ADAMTS19: variants seen among roughly 807,000 people sequenced by gnomAD.
ADAMTS19 encodes A disintegrin and metalloproteinase with thrombospondin motifs 19.
A neutral mutation model predicts 153.3 loss-of-function variants in ADAMTS19; 93 were observed. That is an observed-to-expected ratio of 0.61 (90% CI 0.51 to 0.72). The LOEUF is 0.72. Ranked by LOEUF, ADAMTS19 falls within the 30% of genes least tolerant of loss-of-function variation. The probability of loss-of-function intolerance (pLI) is 0.00; values close to 1 mark genes in which losing one functional copy is unlikely to be tolerated. For missense variants in ADAMTS19, 1,482 were observed against 1,552.1 expected, an observed-to-expected ratio of 0.95 and a Z score of 0.76; for synonymous variants, 600 against 556.6, an observed-to-expected ratio of 1.08 and a Z score of -1.10.
intron 2 of ADAMTS19, among the ~76,000 whole-genome samples, chr5:129,502,378 T>A (rs1467179916): frequency 2.0e-5 from 3 of 152,034 alleles, no homozygotes; most frequent in Admixed American, 2.0e-4. Context: ...AACCAAAAAT[T>A]AACATGGAAA....
intron 17 of ADAMTS19, among the ~76,000 whole-genome samples, chr5:129,683,818 A>C (rs1347874171): frequency 6.7e-6 from 1 of 149,986 alleles, no homozygotes; most frequent in South Asian, 2.1e-4. Context: ...TAGTCCATCA[A>C]ATTGAAAGAA....
At position 129,735,046 on chromosome 5, in the gene ADAMTS19, C is replaced by A; in HGVS notation, c.3427C>A (p.Pro1143Thr). The A allele has an allele frequency of 6.2e-7, 1 of 1,611,642 alleles. No homozygotes were observed. Among genetic ancestry groups the A allele is most frequent in the Non-Finnish European group, 8.5e-7 (1 of 1,178,702 alleles). ...CTCAGAAAAACCTGCAGCATACAGG[C>A]CATGCCATCTTCAACCCTGCAATGA... The part of the protein sequence containing the change: ...FSSEKPAAYR[P>T]CHLQPCNEKI... Residue 1143 changes from proline to threonine, a missense_variant, in exon 22 of 23, where the codon CCA becomes ACA. Physicochemically the swap from Pro to Thr is conservative, Grantham distance 38 (BLOSUM62 -1). Around this residue, in one of 2 missense-constraint regions of ADAMTS19, gnomAD observed 616 missense variants for 724.4 expected, o/e 0.85. Coordinates refer to ENST00000274487, the MANE Select transcript of ADAMTS19 (RefSeq NM_133638.6).
At chr5:129,697,584 A>G (rs979182496) in intron 19 of ADAMTS19, among the ~76,000 whole-genome samples, 14 of 152,208 alleles carry the variant, frequency 9.2e-5, no homozygotes, top group Admixed American at 3.9e-4. Flanking sequence ...GCCTAACTGC[A>G]TAAGTGTGTG....
chr5:129,595,119 G>C (rs996296862), intron 7 of ADAMTS19, among the ~76,000 whole-genome samples: 2 of 152,012 alleles, frequency 1.3e-5, no homozygotes, highest in Non-Finnish European at 2.9e-5. Context: ...TCTACCTTTT[G>C]CTTAAAGATT....
At chr5:129,483,319 G>C (rs1750478747) in intron 2 of ADAMTS19, among the ~76,000 whole-genome samples, 2 of 152,130 alleles carry the variant, frequency 1.3e-5, no homozygotes, top group Non-Finnish European at 2.9e-5. Context: ...ATGAGGAAAA[G>C]TATTTTCTAC....
At chr5:129,501,292 G>A (rs1751097252) in intron 2 of ADAMTS19, among the ~76,000 whole-genome samples, 1 of 152,108 alleles carries the variant, frequency 6.6e-6, no homozygotes, top group Non-Finnish European at 1.5e-5. Flanking sequence ...ACCACTGAAG[G>A]AAGCCTGGAG....
chr5:129,641,950 A>T lies in ADAMTS19; in HGVS notation c.1862A>T (p.Asp621Val), dbSNP rs1752808846. 2.5e-6 allele frequency: 4 copies of T among 1,591,054 alleles called. No homozygotes were observed. Among genetic ancestry groups the T allele is most frequent in the Non-Finnish European group, 3.4e-6 (4 of 1,165,822 alleles). The part of the protein sequence containing the change: ...LDPPMDGTDC[D>V]LGKWCKAGEC... The stretch of plus-strand genomic sequence containing the variant: ...CCACCAATGGATGGAACTGACTGTG[A>T]CCTTGGTAAGGTAAGTCATTTGTGT... The change falls in exon 11 of 23, where the codon GAC (aspartate) becomes GTC (valine). Residue 621 changes from aspartate to valine, a missense_variant. Asp to Val is a radical substitution (Grantham distance 152). Coordinates refer to ENST00000274487, the MANE Select transcript of ADAMTS19 (RefSeq NM_133638.6).
At chr5:129,541,094 T>C (rs1421535523) in intron 6 of ADAMTS19, among the ~76,000 whole-genome samples, 1 of 152,090 alleles carries the variant, frequency 6.6e-6, no homozygotes, top group African/African-American at 2.4e-5. Context: ...ATCTGATCTT[T>C]GGTTTATAAT....
intron 2 of ADAMTS19, among the ~76,000 whole-genome samples, chr5:129,487,848 A>C (rs1750648715): frequency 6.6e-6 from 1 of 152,134 alleles, no homozygotes; most frequent in Non-Finnish European, 1.5e-5. Flanking sequence ...ATTCTAAATT[A>C]ATTTACTCTG....
At chr5:129,517,156 ATTACTT>A (rs1329028013) in intron 3 of ADAMTS19, among the ~76,000 whole-genome samples, 1 of 151,680 alleles carries the variant, frequency 6.6e-6, no homozygotes, top group Non-Finnish European at 1.5e-5. Flanking sequence ...CTGATATTAT[ATTACTT>A]CAATTTTTGG....
chr5:129,668,880 C>A (rs571816508), intron 16 of ADAMTS19, among the ~76,000 whole-genome samples: 81 of 152,126 alleles, frequency 5.3e-4, no homozygotes, highest in African/African-American at 1.9e-3. Flanking sequence ...ATACAAAAAA[C>A]CATTTTAAAA....
At chr5:129,527,393 CTT>C (rs1399254009) in intron 4 of ADAMTS19, among the ~76,000 whole-genome samples, 2 of 146,394 alleles carry the variant, frequency 1.4e-5, no homozygotes, top group East Asian at 4.0e-4. Flanking sequence ...TTTTTTTACA[CTT>C]TAGATATTTC....
intron 8 of ADAMTS19, among the ~76,000 whole-genome samples, chr5:129,606,346 G>C (rs917687356): frequency 1.7e-4 from 26 of 152,274 alleles, no homozygotes; most frequent in African/African-American, 6.3e-4. Flanking sequence ...TTGCTACAAG[G>C]CCTTTAGTTG....
chr5:129,710,628 C>T (rs1316241409), intron 21 of ADAMTS19, among the ~76,000 whole-genome samples: 1 of 152,124 alleles, frequency 6.6e-6, no homozygotes, highest in Non-Finnish European at 1.5e-5. Context: ...AATAGGAACA[C>T]CTTTACACTG....
intron 7 of ADAMTS19, among the ~76,000 whole-genome samples, chr5:129,571,028 C>G (rs1208617394): frequency 6.6e-6 from 1 of 151,820 alleles, no homozygotes; most frequent in Non-Finnish European, 1.5e-5. Context: ...GCAAGGCTGT[C>G]CACTCCATCC....
chr5:129,688,739 T>C (rs1480091697), intron 18 of ADAMTS19, among the ~76,000 whole-genome samples: 1 of 152,180 alleles, frequency 6.6e-6, no homozygotes, highest in Non-Finnish European at 1.5e-5. Context: ...CTAGAAATAT[T>C]TGAATTGACA....
chr5:129,697,709 A>C (rs929196547), intron 19 of ADAMTS19, among the ~76,000 whole-genome samples: 3 of 152,258 alleles, frequency 2.0e-5, no homozygotes, highest in Admixed American at 6.5e-5. Flanking sequence ...GGACAGATAC[A>C]TAAAGTAGCA....
chr5:129,680,657 G>A (rs1272485402), intron 17 of ADAMTS19, among the ~76,000 whole-genome samples: 1 of 151,892 alleles, frequency 6.6e-6, no homozygotes, highest in African/African-American at 2.4e-5. Context: ...AGCTACTCAG[G>A]AGGCTGAGGC....
chr5:129,589,263 G>C (rs1039010350), intron 7 of ADAMTS19, among the ~76,000 whole-genome samples: 2 of 150,870 alleles, frequency 1.3e-5, no homozygotes, highest in Admixed American at 1.3e-4. Context: ...CAGTTTTCTT[G>C]TATTTGCCCC....
Sources: allele counts gnomAD v4.1 joint callset (sites outside exome capture counted in the v4.1 genomes callset), GRCh38; gene constraint gnomAD v4.1.1; regional missense constraint gnomAD v4.1.1; transcripts MANE v1.5; gene names NCBI Gene and HGNC (gene_info 2026-07-23, HGNC 2026-07-21).